The following HGSNAT variants were observed in gnomAD, a reference collection of about 807,000 sequenced individuals.
HGSNAT encodes the protein heparan-alpha-glucosaminide N-acetyltransferase.
A neutral mutation model predicts 85.2 loss-of-function variants in HGSNAT; 59 were observed. The ratio of observed to expected loss-of-function variants is 0.69; its 90% CI spans 0.56 to 0.86. The LOEUF is 0.86. Among genes scored for constraint, HGSNAT ranks in the 40% least tolerant of loss-of-function variants. The pLI is 0.00. For missense variants in HGSNAT, 756 were observed against 777.1 expected (o/e 0.97, Z 0.32); for synonymous variants, 321 against 304.5 (o/e 1.05, Z -0.56).
chr8:43,198,585 C>T (rs1022201377), intron 17 of HGSNAT, among the ~76,000 whole-genome samples: 1 of 152,110 alleles, frequency 6.6e-6, no homozygotes, highest in African/African-American at 2.4e-5. Context: ...CCGTGCCCAG[C>T]CTCTGGTTCT....
chr8:43,149,118 A>AAAT (rs1563355416), intron 2 of HGSNAT, among the ~76,000 whole-genome samples: 32 of 146,682 alleles, frequency 2.2e-4, no homozygotes, highest in African/African-American at 7.5e-4. Flanking sequence ...TCTGTCTCAA[A>AAAT]AAATAAATAA....
intron 1 of HGSNAT, among the ~76,000 whole-genome samples, chr8:43,140,853 T>G (rs1304367251): frequency 6.6e-6 from 1 of 151,392 alleles, no homozygotes; most frequent in African/African-American, 2.4e-5. Flanking sequence ...CGCGGCGGAG[T>G]GGAACCTGGG....
At chr8:43,162,882 T>C (rs1803311561) in intron 5 of HGSNAT, among the ~76,000 whole-genome samples, 1 of 152,096 alleles carries the variant, frequency 6.6e-6, no homozygotes. Flanking sequence ...ATTACATGAC[T>C]TTTTAAAGTA....
At position 43,161,525 on chromosome 8, in the gene HGSNAT, G is replaced by C. The variant is rs182995523; in HGVS notation, c.563+18G>C. ...TTGTTGAGGTAAGATATTTGGGGAG[G>C]ACGCCACTGGAAAGGCAGAGTATAG... On this transcript the variant is annotated intron_variant, in intron 5 of 17. Coordinates refer to ENST00000379644, the MANE Select transcript of HGSNAT (RefSeq NM_152419.3). 1.9e-6 allele frequency: 3 copies of C among 1,584,050 alleles called. No individual in the cohort carries two copies. The highest frequency in any genetic ancestry group is 1.7e-4 in the Middle Eastern group (1 of 5,938).
intron 2 of HGSNAT, 110 bp from the exon 3 acceptor site, chr8:43,158,465 G>C: frequency 3.6e-6 from 4 of 1,105,368 alleles, no homozygotes; most frequent in Non-Finnish European, 5.4e-6. Flanking sequence ...TTTTTTATAA[G>C]TATGAAGGAA....
At chr8:43,173,908 C>G in intron 9 of HGSNAT, 165 bp downstream of exon 9, 2 of 678,678 alleles carry the variant, frequency 2.9e-6, no homozygotes, top group Admixed American at 5.6e-5. Flanking sequence ...CCAGTGCCTA[C>G]ACGTGTGTAT....
intron 11 of HGSNAT, among the ~76,000 whole-genome samples, chr8:43,182,585 A>G (rs563520296): frequency 4.6e-5 from 7 of 152,202 alleles, no homozygotes; most frequent in African/African-American, 1.4e-4. Flanking sequence ...CTGGGACTAC[A>G]GGAGCGCACC....
intron 14 of HGSNAT, 45 bp from the exon 15 acceptor site, chr8:43,196,903 A>T: frequency 8.6e-7 from 1 of 1,166,118 alleles, no homozygotes; most frequent in Non-Finnish European, 1.3e-6. Context: ...AAATAAAAAT[A>T]TCCCTTTGGC....
chr8:43,153,003 T>G (rs1802967497), intron 2 of HGSNAT, among the ~76,000 whole-genome samples: 1 of 152,006 alleles, frequency 6.6e-6, no homozygotes, highest in African/African-American at 2.4e-5. Flanking sequence ...TGGGTTATTG[T>G]TAAGCTGATT....
At chr8:43,150,377 G>C (rs1802866099) in intron 2 of HGSNAT, among the ~76,000 whole-genome samples, 1 of 152,158 alleles carries the variant, frequency 6.6e-6, no homozygotes, top group Non-Finnish European at 1.5e-5. Context: ...TGTAATCCCA[G>C]CACTTTGGGA....
intron 11 of HGSNAT, among the ~76,000 whole-genome samples, chr8:43,188,545 A>C (rs958125033): frequency 6.6e-5 from 10 of 152,072 alleles, no homozygotes; most frequent in Non-Finnish European, 1.2e-4. Flanking sequence ...CCATTTGTCT[A>C]ATCTTTTCTC....
intron 11 of HGSNAT, among the ~76,000 whole-genome samples, chr8:43,186,044 A>G (rs552971886): frequency 1.0e-3 from 158 of 152,218 alleles, no homozygotes; most frequent in African/African-American, 3.6e-3. Flanking sequence ...GTTTCCCAGT[A>G]TTTTATTGAG....
chr8:43,154,581 A>G, intron 2 of HGSNAT, among the ~76,000 whole-genome samples: 1 of 151,902 alleles, frequency 6.6e-6, no homozygotes, highest in Non-Finnish European at 1.5e-5. Context: ...CATTTTCTTA[A>G]TCCAGTCTAT....
At chr8:43,174,952 G>A (rs1803757043) in intron 9 of HGSNAT, among the ~76,000 whole-genome samples, 1 of 150,864 alleles carries the variant, frequency 6.6e-6, no homozygotes, top group Non-Finnish European at 1.5e-5. Context: ...TCCTTCTATC[G>A]CCCTGAGTTC....
intron 14 of HGSNAT, chr8:43,194,388 A>C: frequency 3.0e-6 from 3 of 985,288 alleles, no homozygotes; most frequent in Non-Finnish European, 3.6e-6. Flanking sequence ...ACAGAGTGAG[A>C]CCCTGTCTCA....
chr8:43,181,465 A>C (rs1804121123), intron 10 of HGSNAT, among the ~76,000 whole-genome samples: 1 of 152,034 alleles, frequency 6.6e-6, no homozygotes, highest in Non-Finnish European at 1.5e-5. Flanking sequence ...TTAGCAGAAG[A>C]GGACACAAAC....
At chr8:43,198,860 AG>A (rs1804822468) in intron 17 of HGSNAT, among the ~76,000 whole-genome samples, 1 of 152,162 alleles carries the variant, frequency 6.6e-6, no homozygotes, top group Non-Finnish European at 1.5e-5. Flanking sequence ...TTTCAGATTT[AG>A]TTTTCAAGAA....
chr8:43,172,653 T>A (rs1803667623), intron 8 of HGSNAT, among the ~76,000 whole-genome samples: 1 of 152,236 alleles, frequency 6.6e-6, no homozygotes, highest in African/African-American at 2.4e-5. Flanking sequence ...ACTGAGGGAC[T>A]CTGCAGAATA....
chr8:43,150,054 T>C (rs1299367511), intron 2 of HGSNAT, among the ~76,000 whole-genome samples: 1 of 152,046 alleles, frequency 6.6e-6, no homozygotes. Flanking sequence ...CCTCCTGGGT[T>C]CAAGCGATTC....
Sources: allele counts gnomAD v4.1 joint callset (sites outside exome capture counted in the v4.1 genomes callset), GRCh38; gene constraint gnomAD v4.1.1; transcripts MANE v1.5; gene names NCBI Gene and HGNC (gene_info 2026-07-23, HGNC 2026-07-21).